Variants in NRXN3 observed in about 807,000 individuals in gnomAD.
NRXN3 encodes neurexin 3.
In NRXN3, 32 loss-of-function variants were observed where a neutral mutation model predicts 137.6. That is an observed-to-expected ratio of 0.23 (90% confidence interval 0.18 to 0.31). NRXN3 has a LOEUF of 0.31. Among genes scored for constraint, NRXN3 ranks in the 10% least tolerant of loss-of-function variants. The pLI is 1.00. For missense variants in NRXN3, 1,574 were observed against 2,062.5 expected (o/e 0.76, Z 4.59); for synonymous variants, 798 against 784.5 (o/e 1.02, Z -0.29).
intron 16 of NRXN3, among the ~76,000 whole-genome samples, chr14:79,519,424 T>A (rs1343577202): frequency 6.6e-6 from 1 of 152,118 alleles, no homozygotes; most frequent in African/African-American, 2.4e-5. Flanking sequence ...CTTTTCCCTA[T>A]ATGAATTGGC....
At chr14:78,787,767 A>T (rs2098793357) in intron 8 of NRXN3, among the ~76,000 whole-genome samples, 1 of 152,176 alleles carries the variant, frequency 6.6e-6, no homozygotes, top group Non-Finnish European at 1.5e-5. Context: ...ATCACTAAAC[A>T]TAGCCTGCCC....
At chr14:79,554,677 C>T (rs74631667) in intron 16 of NRXN3, among the ~76,000 whole-genome samples, 12,478 of 152,158 alleles carry the variant, frequency 0.082, 564 homozygotes, top group Middle Eastern at 0.14. Context: ...GTGGCAGTCA[C>T]ACAGGGTCCC....
In NRXN3 at chr14:79,647,751, C is replaced by T. The variant is rs145745366; in HGVS notation, c.3445-16027C>T. Among the ~76,000 whole-genome samples, 116 of 135,920 alleles carry T rather than the reference C, an allele frequency of 8.5e-4. 23 individuals carry two copies. Among genetic ancestry groups the T allele is most frequent in the Non-Finnish European group, 1.6e-3 (95 of 58,470 alleles). The allele number at this position is 135,920 out of a possible 152,430, so 89.2% of individuals were successfully genotyped here. ...ATCAGGTCTGCTTAATTCATCCCAA[C>T]TCTTCAAAGAGGAAGGGAACTAAAA... On this transcript the variant is annotated intron_variant, in intron 16 of 20. Transcript: ENST00000335750.
At chr14:79,475,117 A>G (rs1340815737) in intron 16 of NRXN3, among the ~76,000 whole-genome samples, 1 of 152,124 alleles carries the variant, frequency 6.6e-6, no homozygotes, top group Non-Finnish European at 1.5e-5. Context: ...TCTTGCCACC[A>G]AGTACACTGG....
At chr14:79,232,655 T>G (rs1247576662) in intron 15 of NRXN3, among the ~76,000 whole-genome samples, 1 of 152,114 alleles carries the variant, frequency 6.6e-6, no homozygotes, top group Non-Finnish European at 1.5e-5. Context: ...AGAATTTCTT[T>G]CAGTTAGGGT....
At chr14:79,799,256 G>C (rs185303812) in intron 19 of NRXN3, among the ~76,000 whole-genome samples, 1 of 152,294 alleles carries the variant, frequency 6.6e-6, no homozygotes, top group Admixed American at 6.5e-5. Flanking sequence ...TTAACATGTA[G>C]TAGTATGAAT....
chr14:78,201,697 C>T (rs958527257), intron 1 of NRXN3, among the ~76,000 whole-genome samples: 6 of 152,112 alleles, frequency 3.9e-5, no homozygotes, highest in East Asian at 3.9e-4. Context: ...GTTTGCTACA[C>T]GAAGGAGCTG....
intron 4 of NRXN3, among the ~76,000 whole-genome samples, chr14:78,487,773 A>C (rs2095589363): frequency 6.6e-6 from 1 of 151,528 alleles, no homozygotes; most frequent in Admixed American, 6.6e-5. Flanking sequence ...ATAAATAAAT[A>C]AATAAATAAA....
intron 19 of NRXN3, among the ~76,000 whole-genome samples, chr14:79,775,761 C>T (rs969948543): frequency 1.3e-5 from 2 of 152,072 alleles, no homozygotes; most frequent in African/African-American, 2.4e-5. Context: ...AGAGGATTCT[C>T]ATGTTATGAG....
intron 4 of NRXN3, among the ~76,000 whole-genome samples, chr14:78,457,737 A>G (rs1460791923): frequency 6.6e-6 from 1 of 152,206 alleles, no homozygotes; most frequent in East Asian, 1.9e-4. Context: ...GTATAGATAT[A>G]TCTGTATATG....
rs73323375 is a variant in NRXN3 at position 78,931,812 on chromosome 14, C to T, written c.2276-25430C>T. Reference sequence around the variant, plus strand: ...AGATTGTCTTAGGAACACTGAAGTACACTGGCAAATTTTGGGAAGCAGAGA... The same window carrying T: ...AGATTGTCTTAGGAACACTGAAGTATACTGGCAAATTTTGGGAAGCAGAGA... On this transcript the variant is annotated intron_variant, in intron 10 of 20. Coordinates refer to ENST00000335750, the MANE Select transcript of NRXN3 (RefSeq NM_001330195.2). 6.1e-3 allele frequency among the ~76,000 whole-genome samples: 930 copies of T among 152,206 alleles called. 13 individuals carry two copies. The highest frequency in any genetic ancestry group is 0.021 in the African/African-American group (878 of 41,520).
chr14:78,336,120 A>G (rs2081436891), intron 4 of NRXN3, among the ~76,000 whole-genome samples: 1 of 152,032 alleles, frequency 6.6e-6, no homozygotes, highest in Non-Finnish European at 1.5e-5. Context: ...ATAGGTTTGG[A>G]GTTGTGGCCA....
chr14:78,849,613 A>C (rs137894850), intron 10 of NRXN3, among the ~76,000 whole-genome samples: 3 of 152,228 alleles, frequency 2.0e-5, no homozygotes, highest in Non-Finnish European at 4.4e-5. Flanking sequence ...GTTCTGTTCT[A>C]TGTGAAAAAA....
chr14:79,685,034 G>T (rs1175149452), intron 17 of NRXN3, among the ~76,000 whole-genome samples: 1 of 152,102 alleles, frequency 6.6e-6, no homozygotes, highest in Non-Finnish European at 1.5e-5. Context: ...ATGTCAAACG[G>T]CTGAAGAGCA....
rs187790706 is a variant in NRXN3 at position 79,132,509 on chromosome 14, A to G, written c.3262+144368A>G. On this transcript the variant is annotated intron_variant, in intron 15 of 20. Transcript: ENST00000335750. Reference sequence around the variant, plus strand: ...TTGGGTTAAGTTAAATATATTATTAAAGTTAATTATACCTATTTCTCCTTT... The same window carrying G: ...TTGGGTTAAGTTAAATATATTATTAGAGTTAATTATACCTATTTCTCCTTT... Among the ~76,000 whole-genome samples the G allele has an allele frequency of 5.6e-4, 86 of 152,328 alleles. 1 individual carries two copies. The highest frequency in any genetic ancestry group is 2.0e-3 in the Admixed American group (30 of 15,302).
At chr14:78,441,626 G>A (rs1008813102) in intron 4 of NRXN3, among the ~76,000 whole-genome samples, 1 of 151,402 alleles carries the variant, frequency 6.6e-6, no homozygotes, top group African/African-American at 2.4e-5. Context: ...GTTTTGTTGT[G>A]GATTGAATGG....
intron 4 of NRXN3, among the ~76,000 whole-genome samples, chr14:78,405,577 C>T (rs1330751074): frequency 7.6e-6 from 1 of 131,094 alleles, no homozygotes; most frequent in Non-Finnish European, 1.5e-5. Flanking sequence ...CTGCCTGGAA[C>T]TTGAATTGGC....
intron 16 of NRXN3, among the ~76,000 whole-genome samples, chr14:79,498,758 C>T (rs1358353236): frequency 1.3e-5 from 2 of 152,186 alleles, no homozygotes; most frequent in African/African-American, 4.8e-5. Flanking sequence ...AAGCACTTTC[C>T]AGCTGGTATG....
At chr14:78,628,067 A>C (rs989979457) in intron 4 of NRXN3, among the ~76,000 whole-genome samples, 2 of 149,380 alleles carry the variant, frequency 1.3e-5, no homozygotes, top group Admixed American at 6.7e-5. Flanking sequence ...AGCATTGCAG[A>C]GTTCTTTTTT....
Sources: gnomAD v4.1 joint callset for allele counts (sites outside exome capture counted in the v4.1 genomes callset) on GRCh38, gnomAD v4.1.1 for gene constraint, MANE v1.5 for transcripts, NCBI Gene and HGNC (gene_info 2026-07-23, HGNC 2026-07-21) for gene names.